MTAP: variants seen among roughly 807,000 people sequenced by gnomAD.
MTAP encodes the protein S-methyl-5'-thioadenosine phosphorylase.
Under a neutral mutation model 33.6 loss-of-function variants are expected in MTAP, and 33 were observed. That is an observed-to-expected ratio of 0.98 (90% confidence interval 0.74 to 1.31). The LOEUF is 1.31. Ranked by LOEUF, MTAP falls within the 40% of genes most tolerant of loss-of-function variation. MTAP has a pLI of 0.00. For synonymous variants in MTAP, 148 were observed against 125.7 expected (o/e 1.18, Z -1.19); for missense variants, 367 against 360.0 (o/e 1.02, Z -0.16).
intron 1 of MTAP, among the ~76,000 whole-genome samples, chr9:21,918,932 T>G (rs1818740034): frequency 6.6e-6 from 1 of 152,192 alleles, no homozygotes; most frequent in Admixed American, 6.5e-5. Flanking sequence ...ACTAATAAAA[T>G]GATACCTGTA....
intron 5 of MTAP, among the ~76,000 whole-genome samples, chr9:21,852,707 G>GAAA (rs201258395): frequency 6.8e-5 from 8 of 118,124 alleles, no homozygotes; most frequent in East Asian, 2.4e-4. Context: ...CTATTGAAAT[G>GAAA]AAAAAAAAAA....
In MTAP at chr9:21,815,418, CT is replaced by C. The variant is rs1824449771; in HGVS notation, c.34-10del. ...TACCAAATACAATAATCTTCTCTGT[CT>C]TTTTCTCTCTTAGATTGGAATAATT... On this transcript the variant is annotated splice_polypyrimidine_tract_variant and intron_variant, in intron 1 of 7. Transcript: ENST00000644715. 5 of 1,537,044 alleles carry C rather than the reference CT, an allele frequency of 3.3e-6. No homozygotes were observed. The highest frequency in any genetic ancestry group is 1.4e-5 in the African/African-American group (1 of 72,430).
At chr9:21,852,325 G>A (rs896656801) in intron 5 of MTAP, among the ~76,000 whole-genome samples, 3 of 152,022 alleles carry the variant, frequency 2.0e-5, no homozygotes, top group Non-Finnish European at 2.9e-5. Context: ...TGGCCAAGAT[G>A]GTGAAAGGGG....
At position 21,907,058 on chromosome 9, in the gene MTAP, GA is replaced by G. The variant is rs772276000; in HGVS notation, c.148-23949del. On this transcript the variant is annotated intron_variant, in intron 1 of 1. Transcript: ENST00000577563. ...ATGAAGGAATGTGGTTGGGTTAAGG[GA>G]GGTGAGTGGGTATGCTTATTGAAGA... Among the ~76,000 whole-genome samples the G allele has an allele frequency of 4.6e-5, 7 of 152,282 alleles. No homozygotes were observed. The East Asian group carries it at 1.4e-3, about 29-fold the overall frequency.
intron 5 of MTAP, among the ~76,000 whole-genome samples, chr9:21,852,791 G>A (rs149824391): frequency 3.3e-5 from 5 of 151,526 alleles, no homozygotes; most frequent in Middle Eastern, 3.5e-3. Flanking sequence ...TTTGTACCAT[G>A]TACAAATACG....
downstream of MTAP, chr9:21,932,506 GT>G (rs996120550): frequency 7.4e-4 from 112 of 151,592 alleles, no homozygotes; most frequent in African/African-American, 2.5e-3. Context: ...GTCTTTTCAG[GT>G]TTTTTTGTGT....
chr9:21,813,520 A>C (rs1363803096), intron 1 of MTAP, among the ~76,000 whole-genome samples: 1 of 152,136 alleles, frequency 6.6e-6, no homozygotes, highest in East Asian at 1.9e-4. Context: ...AGCATTTCTC[A>C]ACAACTGCTA....
intron 1 of MTAP, among the ~76,000 whole-genome samples, chr9:21,900,521 G>C (rs1482958073): frequency 6.6e-6 from 1 of 152,132 alleles, no homozygotes; most frequent in Non-Finnish European, 1.5e-5. Flanking sequence ...AATATCAGAA[G>C]CTGGTGAGAT....
chr9:21,837,217 G>A (rs1825133038), intron 4 of MTAP, among the ~76,000 whole-genome samples: 1 of 152,084 alleles, frequency 6.6e-6, no homozygotes. Flanking sequence ...TCTAAATGAG[G>A]CAGCGAACAA....
chr9:21,867,404 G>A (rs899419533), downstream of MTAP, among the ~76,000 whole-genome samples: 2 of 152,052 alleles, frequency 1.3e-5, no homozygotes, highest in Non-Finnish European at 2.9e-5. Context: ...ATTTCACCAA[G>A]TACTTTTTCC....
At chr9:21,804,212 C>T (rs1824145262) in intron 1 of MTAP, among the ~76,000 whole-genome samples, 1 of 152,152 alleles carries the variant, frequency 6.6e-6, no homozygotes, top group South Asian at 2.1e-4. Context: ...AGTGGGGGAA[C>T]TGAGATTAAT....
In MTAP at chr9:21,866,178, C is replaced by G. The variant is rs1825849924; in HGVS notation, c.*4164C>G. 6.6e-6 allele frequency: 1 copy of G among 152,064 alleles called. No homozygotes were observed. Among genetic ancestry groups the G allele is most frequent in the Non-Finnish European group, 1.5e-5 (1 of 68,010 alleles). The allele number at this position is 152,064 out of a possible 1,614,324, so 9.4% of individuals were successfully genotyped here. A position where few individuals can be genotyped will look rare whatever the true frequency, so the allele number is the denominator to read the frequency against. On this transcript the variant is annotated 3_prime_UTR_variant, in exon 8 of 8. Transcript: ENST00000644715. The stretch of plus-strand genomic sequence containing the variant: ...TCTTTTCATGTGCTTATTGGCCATT[C>G]ACATATTTCGTGAACTATCTGTACA...
downstream of MTAP, chr9:21,936,105 C>A (rs1819038391): frequency 6.6e-6 from 1 of 152,186 alleles, no homozygotes. Context: ...ATCTAAAGAT[C>A]AATGTATAGG....
chr9:21,909,325 C>T (rs369232896), intron 1 of MTAP, among the ~76,000 whole-genome samples: 2 of 151,980 alleles, frequency 1.3e-5, no homozygotes, highest in East Asian at 3.8e-4. Flanking sequence ...GTGAATAAGA[C>T]ATTTATATTG....
At chr9:21,811,331 G>A (rs912124599) in intron 1 of MTAP, among the ~76,000 whole-genome samples, 1 of 152,214 alleles carries the variant, frequency 6.6e-6, no homozygotes, top group African/African-American at 2.4e-5. Context: ...GGGTTACTAT[G>A]CACCCTTTCC....
At chr9:21,869,047 A>G (rs1419442554), downstream of MTAP, among the ~76,000 whole-genome samples, 1 of 152,164 alleles carries the variant, frequency 6.6e-6, no homozygotes, top group Non-Finnish European at 1.5e-5. Context: ...TCAGTCTAGT[A>G]ACTACCCATT....
intron 1 of MTAP, among the ~76,000 whole-genome samples, chr9:21,901,966 A>G (rs192010278): frequency 9.0e-4 from 137 of 152,358 alleles, no homozygotes; most frequent in African/African-American, 3.1e-3. Context: ...AGTGTTCAAA[A>G]GTAGAAATGA....
chr9:21,822,003 A>G lies in MTAP; in HGVS notation c.347+3801A>G, dbSNP rs200641442. Reference sequence around the variant, plus strand: ...CCCTTTATCATTTTTTATTGCATCTATTTGATTCTTCTCTCTTTTCTTCTT... The same window carrying G: ...CCCTTTATCATTTTTTATTGCATCTGTTTGATTCTTCTCTCTTTTCTTCTT... On this transcript the variant is annotated intron_variant, in intron 4 of 7. Transcript: ENST00000644715. Among the ~76,000 whole-genome samples the G allele has an allele frequency of 1.6e-4, 24 of 151,912 alleles. No homozygotes were observed. The East Asian group carries it at 3.9e-3, about 25-fold the overall frequency.
At chr9:21,919,314 A>G (rs565650973) in intron 1 of MTAP, among the ~76,000 whole-genome samples, 3 of 152,056 alleles carry the variant, frequency 2.0e-5, no homozygotes, top group Non-Finnish European at 2.9e-5. Context: ...CTACTTCCCC[A>G]CTCCCTCTGT....
Sources: allele counts gnomAD v4.1 joint callset (sites outside exome capture counted in the v4.1 genomes callset), GRCh38; gene constraint gnomAD v4.1.1; transcripts MANE v1.5; gene names NCBI Gene and HGNC (gene_info 2026-07-23, HGNC 2026-07-21).